JAK1: variants seen among roughly 807,000 people sequenced by gnomAD.
JAK1 encodes Janus kinase 1, also known as tyrosine-protein kinase JAK1.
A neutral mutation model predicts 136.6 loss-of-function variants in JAK1; 16 were observed. That is an observed-to-expected ratio of 0.12 (90% CI 0.08 to 0.18). The LOEUF (loss-of-function observed/expected upper bound fraction) is 0.18, where lower values mean the gene tolerates loss of function less well. Ranked by LOEUF, JAK1 falls within the 10% of genes least tolerant of loss-of-function variation. JAK1 has a pLI of 1.00. For synonymous variants in JAK1, 492 were observed against 519.5 expected (o/e 0.95, Z 0.72); for missense variants, 859 against 1,450.1 (o/e 0.59, Z 6.62).
intron 1 of JAK1, among the ~76,000 whole-genome samples, chr1:64,944,535 AGG>A (rs1172552886): frequency 6.6e-6 from 1 of 152,210 alleles, no homozygotes; most frequent in African/African-American, 2.4e-5. Flanking sequence ...TTTTCATCGT[AGG>A]GTTGTTGACT....
intron 3 of JAK1, among the ~76,000 whole-genome samples, chr1:64,881,329 G>T (rs1477350896): frequency 1.3e-5 from 2 of 151,662 alleles, no homozygotes; most frequent in East Asian, 3.9e-4. Flanking sequence ...ATCTAATGAG[G>T]TAAATACTAT....
chr1:64,981,456 G>A (rs1309330101), intron 2 of JAK1, among the ~76,000 whole-genome samples: 1 of 152,100 alleles, frequency 6.6e-6, no homozygotes, highest in Non-Finnish European at 1.5e-5. Context: ...GGGTAAAATG[G>A]GCCTCACTGA....
Position 65,012,069 on chromosome 1 carries a change from T to C in JAK1, c.-78+32411A>G, listed in dbSNP as rs574443526. On this transcript the variant is annotated intron_variant, in intron 2 of 25. Transcript: ENST00000671954. ...TGAAAGGCACTCAGATGTTCCTGCA[T>C]CTCTGATGGAAAACACAGAACCTGG... 5.3e-5 allele frequency among the ~76,000 whole-genome samples: 8 copies of C among 152,346 alleles called. No homozygotes were observed. The South Asian group carries it at 1.4e-3, about 28-fold the overall frequency.
intron 1 of JAK1, among the ~76,000 whole-genome samples, chr1:64,887,146 G>C (rs1013115485): frequency 6.6e-6 from 1 of 152,208 alleles, no homozygotes; most frequent in African/African-American, 2.4e-5. Context: ...GTGTGAGTGC[G>C]TCAGGATGTT....
intron 1 of JAK1, among the ~76,000 whole-genome samples, chr1:64,965,345 A>C (rs1315476236): frequency 6.6e-6 from 1 of 152,184 alleles, no homozygotes; most frequent in Non-Finnish European, 1.5e-5. Flanking sequence ...GCCACGTAGT[A>C]AGAAGAGTGG....
At position 64,886,275 on chromosome 1, in the gene JAK1, G is replaced by C; in HGVS notation, c.-11C>G. On this transcript the variant is annotated 5_prime_UTR_variant, in exon 2 of 25. Transcript: ENST00000342505. ...TCTACATACCTGCATTTATTCAGCT[G>C]TCCAGTGTTCTCCAAGAAGCAAACT... 1.3e-6 allele frequency: 2 copies of C among 1,595,226 alleles called. No individual in the cohort carries two copies. The highest frequency in any genetic ancestry group is 1.7e-6 in the Non-Finnish European group (2 of 1,171,062).
At chr1:64,843,899 G>A (rs1013196529) in intron 17 of JAK1, among the ~76,000 whole-genome samples, 165 bp downstream of exon 17, 4 of 152,094 alleles carry the variant, frequency 2.6e-5, no homozygotes, top group African/African-American at 7.2e-5. Flanking sequence ...TGAGGCTCAC[G>A]GAAGTTCAGT....
Position 64,883,561 on chromosome 1 carries a change from A to G in JAK1, c.7-86T>C, listed in dbSNP as rs1275718121. The G allele has an allele frequency of 2.3e-5, 27 of 1,179,034 alleles. No homozygotes were observed. The Admixed American group carries it at 5.2e-4, about 23-fold the overall frequency. 73.0% of individuals were successfully genotyped at this position (1,179,034 alleles called of 1,614,324 possible). On this transcript the variant is annotated intron_variant, in intron 2 of 24. Coordinates refer to ENST00000342505, the MANE Select transcript of JAK1 (RefSeq NM_002227.4). The stretch of plus-strand genomic sequence containing the variant: ...AAAGGGAGTGTTCTGAAGGTAAAAA[A>G]GCAGAAACATTTGGTGTTGGTATTG...
At chr1:64,975,494 T>C (rs942825649) in intron 2 of JAK1, among the ~76,000 whole-genome samples, 4 of 152,192 alleles carry the variant, frequency 2.6e-5, no homozygotes, top group Admixed American at 2.0e-4. Flanking sequence ...CACAAATCCA[T>C]GGACTGCTCT....
chr1:65,042,703 C>A (rs550141705), intron 2 of JAK1, among the ~76,000 whole-genome samples: 1 of 152,166 alleles, frequency 6.6e-6, no homozygotes, highest in Non-Finnish European at 1.5e-5. Flanking sequence ...GGGGACTTTT[C>A]ATTTTTTACT....
At chr1:64,980,475 C>T (rs1646534000) in intron 2 of JAK1, among the ~76,000 whole-genome samples, 2 of 151,306 alleles carry the variant, frequency 1.3e-5, no homozygotes, top group South Asian at 4.2e-4. Context: ...AGATTGCCCC[C>T]CAAAATTTCC....
intron 1 of JAK1, among the ~76,000 whole-genome samples, chr1:65,065,558 G>A (rs1648001227): frequency 6.6e-6 from 1 of 151,740 alleles, no homozygotes; most frequent in Non-Finnish European, 1.5e-5. Flanking sequence ...AAAGCTAGGA[G>A]GCTTTTAGAG....
intron 1 of JAK1, among the ~76,000 whole-genome samples, chr1:64,895,391 C>T (rs1306313552): frequency 6.6e-6 from 1 of 152,124 alleles, no homozygotes; most frequent in Middle Eastern, 3.2e-3. Flanking sequence ...GATTAACAGA[C>T]TACAGTTTGA....
intron 2 of JAK1, among the ~76,000 whole-genome samples, chr1:65,014,687 C>T (rs1321379724): frequency 2.1e-5 from 3 of 142,758 alleles, no homozygotes; most frequent in African/African-American, 5.1e-5. Flanking sequence ...TTATTCTATT[C>T]TTTTTTTTTT....
intron 1 of JAK1, among the ~76,000 whole-genome samples, chr1:64,934,962 G>A (rs539862165): frequency 6.6e-6 from 1 of 152,292 alleles, no homozygotes; most frequent in African/African-American, 2.4e-5. Flanking sequence ...TTTTCAGGAA[G>A]ATTCATAATC....
rs376641696 is a variant in JAK1, at chr1:64,841,234, G to A, written c.2649+11C>T. 21 of 1,599,670 alleles carry A rather than the reference G, an allele frequency of 1.3e-5. No homozygotes were observed. Among genetic ancestry groups the A allele is most frequent in the South Asian group, 6.6e-5 (6 of 90,814 alleles). On this transcript the variant is annotated intron_variant, in intron 19 of 24. Coordinates refer to ENST00000342505, the MANE Select transcript of JAK1 (RefSeq NM_002227.4). ...CTGCCATCAGCAGCAAGCAGCACGG[G>A]TGTAACTTACCTCTCCCAAGTCACG... is the stretch of plus-strand genomic sequence containing the variant.
At chr1:64,957,099 G>T (rs1229081418) in intron 1 of JAK1, among the ~76,000 whole-genome samples, 1 of 152,174 alleles carries the variant, frequency 6.6e-6, no homozygotes, top group African/African-American at 2.4e-5. Context: ...GAGTGTAGAG[G>T]TGGCAGTCAG....
chr1:64,963,794 T>C (rs1325645640), intron 1 of JAK1, among the ~76,000 whole-genome samples: 1 of 152,146 alleles, frequency 6.6e-6, no homozygotes, highest in East Asian at 1.9e-4. Flanking sequence ...CCTTACTCAG[T>C]ATTCCAAAGC....
chr1:64,914,064 T>G (rs1282893565), intron 1 of JAK1, among the ~76,000 whole-genome samples: 1 of 152,126 alleles, frequency 6.6e-6, no homozygotes, highest in African/African-American at 2.4e-5. Flanking sequence ...GACTCTACAA[T>G]GCAGGTTAGA....
Sources: gnomAD v4.1 joint callset for allele counts (sites outside exome capture counted in the v4.1 genomes callset) on GRCh38, gnomAD v4.1.1 for gene constraint, MANE v1.5 for transcripts, NCBI Gene and HGNC (gene_info 2026-07-23, HGNC 2026-07-21) for gene names.